LAMA1: variants seen among roughly 807,000 people sequenced by gnomAD.
The protein encoded by LAMA1 is laminin subunit alpha 1, also known as laminin subunit alpha-1.
A neutral mutation model predicts 348.7 loss-of-function variants in LAMA1; 219 were observed. The observed-to-expected ratio is 0.63, with a 90% CI of 0.56 to 0.70. The LOEUF (loss-of-function observed/expected upper bound fraction) is 0.70. Ranked by LOEUF, LAMA1 falls within the 30% of genes least tolerant of loss-of-function variation. LAMA1 has a pLI of 0.00. For synonymous variants in LAMA1, 1,487 were observed against 1,491.0 expected (o/e 1.00, Z 0.06); for missense variants, 3,744 against 3,888.0 (o/e 0.96, Z 0.99).
At chr18:7,075,838 G>A (rs536101327) in intron 3 of LAMA1, among the ~76,000 whole-genome samples, 168 of 151,084 alleles carry the variant, frequency 1.1e-3, no homozygotes, top group Admixed American at 2.2e-3. Flanking sequence ...TTGGGAGGAT[G>A]GGGTGGGAGA....
chr18:7,074,390 T>C (rs1455998167), intron 3 of LAMA1, among the ~76,000 whole-genome samples: 1 of 152,218 alleles, frequency 6.6e-6, no homozygotes, highest in Non-Finnish European at 1.5e-5. Context: ...GAAATCTTCA[T>C]GTTCTTCTAC....
intron 36 of LAMA1, among the ~76,000 whole-genome samples, chr18:6,991,281 T>G (rs564288838): frequency 6.2e-4 from 94 of 151,752 alleles, no homozygotes; most frequent in African/African-American, 2.2e-3. Flanking sequence ...GTGTTGCTGG[T>G]GGCAGTGAAC....
intron 14 of LAMA1, 141 bp from the exon 15 acceptor site, chr18:7,033,236 G>A (rs4797278): frequency 0.39 from 264,788 of 672,766 alleles, 56,115 homozygotes; most frequent in African/African-American, 0.65. Flanking sequence ...GGAGGCCAAG[G>A]TGGGTGGATC....
chr18:6,976,068 C>T lies in LAMA1; in HGVS notation c.6358G>A (p.Val2120Met), dbSNP rs769166400. Residue 2120 changes from valine (V) to methionine (M), a missense_variant, in exon 45 of 63, where the codon GTG (valine) becomes ATG (methionine). Around this residue, in one of 3 missense-constraint regions of LAMA1, gnomAD observed 1,983 missense variants for 1,934.3 expected, o/e 1.03. Coordinates refer to ENST00000389658, the MANE Select transcript of LAMA1 (RefSeq NM_005559.4). ...CGGATGCAATCTCTGTCTGCAGACA[C>T]GGCGACTTTAATCTGTAGAAGGAAA... ...RKQAASIKVAVSADRDCIRAY... is the reference protein window; with the variant it reads ...RKQAASIKVAMSADRDCIRAY... 96 of 1,613,962 alleles carry T rather than the reference C, an allele frequency of 5.9e-5. No homozygotes were observed. The highest frequency in any genetic ancestry group is 8.0e-5 in the Non-Finnish European group (94 of 1,180,010).
intron 61 of LAMA1, among the ~76,000 whole-genome samples, chr18:6,943,907 A>G (rs1406335775): frequency 6.6e-6 from 1 of 152,176 alleles, no homozygotes; most frequent in South Asian, 2.1e-4. Context: ...AGAAAGCGCA[A>G]ATGGCCACCT....
intron 1 of LAMA1, among the ~76,000 whole-genome samples, chr18:7,089,113 T>A (rs906293997): frequency 2.6e-5 from 4 of 152,230 alleles, no homozygotes; most frequent in Non-Finnish European, 5.9e-5. Context: ...GGGTGGTGGC[T>A]CATGCCTGTA....
In LAMA1 at chr18:7,079,135, C is replaced by T. The variant is rs115551478; in HGVS notation, c.345+840G>A. 3.6e-3 allele frequency among the ~76,000 whole-genome samples: 543 copies of T among 152,174 alleles called. 4 individuals carry two copies. Among genetic ancestry groups the T allele is most frequent in the African/African-American group, 0.013 (524 of 41,516 alleles). ...ATCACAATTACTTGTGTCTTTTAAC[C>T]GATCTCATATTTTACATGAAACTTA... is the stretch of plus-strand genomic sequence containing the variant. On this transcript the variant is annotated intron_variant, in intron 3 of 62. Coordinates refer to ENST00000389658, the MANE Select transcript of LAMA1 (RefSeq NM_005559.4).
chr18:7,026,052 A>G lies in LAMA1; in HGVS notation c.2329T>C (p.Tyr777His). 2 of 1,610,544 alleles carry G rather than the reference A, an allele frequency of 1.2e-6. No homozygotes were observed. The highest frequency in any genetic ancestry group is 1.1e-5 in the South Asian group (1 of 90,280). The change falls in exon 17 of 63, where the codon TAC (tyrosine) becomes CAC (histidine). Residue 777 changes from tyrosine (Y) to histidine (H), a missense_variant. Around this residue, in one of 3 missense-constraint regions of LAMA1, gnomAD observed 1,529 missense variants for 1,689.4 expected, o/e 0.91. Transcript: ENST00000389658. ...VHCEQCLPGFYGEPSRGTPGD... is the reference protein window; with the variant it reads ...VHCEQCLPGFHGEPSRGTPGD... ...GGTGTCCCTCGGGAAGGCTCCCCGTAGAAGCCGGGCAAGCACTGCTCACAG... is the reference window on the plus strand; with the variant it reads ...GGTGTCCCTCGGGAAGGCTCCCCGTGGAAGCCGGGCAAGCACTGCTCACAG...
chr18:6,999,655 A>C lies in LAMA1; in HGVS notation c.4470-17T>G. The C allele has an allele frequency of 6.3e-7, 1 of 1,594,352 alleles. No homozygotes were observed. Among genetic ancestry groups the C allele is most frequent in the South Asian group, 1.1e-5 (1 of 89,114 alleles). The stretch of plus-strand genomic sequence containing the variant: ...GAGGAGCACCTACAGAAAGGAAGGG[A>C]CATAGGTGCAGACAGGATGGTCAAT... On this transcript the variant is annotated splice_polypyrimidine_tract_variant and intron_variant, in intron 31 of 62. Transcript: ENST00000389658.
intron 1 of LAMA1, among the ~76,000 whole-genome samples, chr18:7,106,827 G>A (rs1190372912): frequency 6.6e-6 from 1 of 151,970 alleles, no homozygotes; most frequent in Non-Finnish European, 1.5e-5. Flanking sequence ...ACACAGAAGT[G>A]CTGGCCAAGC....
At chr18:7,008,670 G>GC in intron 27 of LAMA1, 62 bp from the exon 28 acceptor site, 1 of 1,584,264 alleles carries the variant, frequency 6.3e-7, no homozygotes, top group Non-Finnish European at 8.6e-7. Context: ...TAGAAACATA[G>GC]CACATGACCT....
At chr18:7,107,937 C>G (rs1392853496) in intron 1 of LAMA1, among the ~76,000 whole-genome samples, 1 of 151,688 alleles carries the variant, frequency 6.6e-6, no homozygotes, top group Admixed American at 6.6e-5. Context: ...TGGCGTGAAT[C>G]TGGGAGGCAG....
chr18:7,107,029 A>C (rs1465307633), intron 1 of LAMA1, among the ~76,000 whole-genome samples: 1 of 151,808 alleles, frequency 6.6e-6, no homozygotes, highest in Non-Finnish European at 1.5e-5. Context: ...CCCCTAACTT[A>C]CATGAATATG....
At chr18:7,017,512 A>T in intron 19 of LAMA1, 128 bp from the exon 20 acceptor site, 2 of 735,128 alleles carry the variant, frequency 2.7e-6, no homozygotes, top group Non-Finnish European at 4.9e-6. Flanking sequence ...TAAAAATAAT[A>T]TTATTGGCAA....
chr18:7,079,923 AC>A, intron 3 of LAMA1, 51 bp downstream of exon 3: 1 of 1,278,194 alleles, frequency 7.8e-7, no homozygotes, highest in Non-Finnish European at 1.1e-6. Context: ...TCATCAGAAG[AC>A]CACAGCTCAG....
chr18:7,088,025 T>C (rs1203666066), intron 1 of LAMA1, among the ~76,000 whole-genome samples: 2 of 152,202 alleles, frequency 1.3e-5, no homozygotes, highest in African/African-American at 2.4e-5. Context: ...TCTCTGTTTC[T>C]CTTAAGTTTT....
chr18:7,111,491 G>A (rs545556976), intron 1 of LAMA1, among the ~76,000 whole-genome samples: 1 of 152,290 alleles, frequency 6.6e-6, no homozygotes. Context: ...TTATCAAATG[G>A]TTACTCTGGG....
intron 3 of LAMA1, among the ~76,000 whole-genome samples, chr18:7,071,676 C>A (rs1010179343): frequency 6.6e-6 from 1 of 152,196 alleles, no homozygotes; most frequent in African/African-American, 2.4e-5. Context: ...TCATGCTATA[C>A]AATTACATAA....
Position 6,949,200 on chromosome 18 carries a change from G to A in LAMA1, c.8457C>T (p.Pro2819=). 6.2e-7 allele frequency: 1 copy of A among 1,614,086 alleles called. No individual in the cohort carries two copies. The highest frequency in any genetic ancestry group is 8.5e-7 in the Non-Finnish European group (1 of 1,179,970). ...TTCCATCTCCCACCACAGTCACCAT[G>A]GGAGACTCTCGGCCGTCGACAGTTA... ...GFITVDGRES[P]MVTVVGDGTM... The change falls in exon 59 of 63, where the codon CCC becomes CCT. Residue 2819 remains proline (P), a synonymous_variant. Transcript: ENST00000389658.
Sources: allele counts gnomAD v4.1 joint callset (sites outside exome capture counted in the v4.1 genomes callset), GRCh38; gene constraint gnomAD v4.1.1; regional missense constraint gnomAD v4.1.1; transcripts MANE v1.5; gene names NCBI Gene and HGNC (gene_info 2026-07-23, HGNC 2026-07-21).